The following FAM187B variants were observed in gnomAD, a reference collection of about 807,000 sequenced individuals.
FAM187B encodes protein FAM187B.
A neutral mutation model predicts 22.6 loss-of-function variants in FAM187B; 22 were observed. The ratio of observed to expected loss-of-function variants is 0.97; its 90% CI spans 0.70 to 1.39. FAM187B has a LOEUF of 1.39. FAM187B is among the 40% of genes most tolerant of loss of function. FAM187B has a pLI of 0.00. For synonymous variants in FAM187B, 192 were observed against 201.8 expected (o/e 0.95, Z 0.41); for missense variants, 433 against 462.1 (o/e 0.94, Z 0.58).
At chr19:35,227,900 A>G in intron 1 of FAM187B, 59 bp downstream of exon 1, 1 of 1,555,454 alleles carries the variant, frequency 6.4e-7, no homozygotes, top group Non-Finnish European at 8.7e-7. Flanking sequence ...ACATATTACC[A>G]GGAAGGATCC....
At chr19:35,227,602 A>C in intron 1 of FAM187B, among the ~76,000 whole-genome samples, 1 of 152,164 alleles carries the variant, frequency 6.6e-6, no homozygotes, top group East Asian at 1.9e-4. Flanking sequence ...AGGAAGTAAG[A>C]AGATGAGTGT....
Position 35,228,314 on chromosome 19 carries a change from G to A in FAM187B, c.367C>T (p.Leu123=), listed in dbSNP as rs573245848. The change falls in exon 1 of 2, where the codon CTG becomes TTG. Residue 123 remains leucine (L), a synonymous_variant. Transcript: ENST00000324675. ...TCGTTCTGCAGGGGCCTCTGACCCAGGTCCTTGTGTGTTATATGCAGGGTG... is the reference window on the plus strand; with the variant it reads ...TCGTTCTGCAGGGGCCTCTGACCCAAGTCCTTGTGTGTTATATGCAGGGTG... ...VTTLHITHKD[L]GQRPLQNETL... 1 of 1,614,174 alleles carries A rather than the reference G, an allele frequency of 6.2e-7. No individual in the cohort carries two copies. Among genetic ancestry groups the A allele is most frequent in the Admixed American group, 1.7e-5 (1 of 60,024 alleles).
At position 35,225,037 on chromosome 19, in the gene FAM187B, C is replaced by T. The variant is rs1463381424; in HGVS notation, c.898G>A (p.Ala300Thr). The change falls in exon 2 of 2, where the codon GCC (alanine) becomes ACC (threonine). Residue 300 changes from alanine (A) to threonine (T), a missense_variant. Coordinates refer to ENST00000324675, the MANE Select transcript of FAM187B (RefSeq NM_152481.2). Reference protein sequence around the residue: ...QELVAQFKPAASLETLEAQWR... With the variant: ...QELVAQFKPATSLETLEAQWR... ...TGAGCCTCCAGCGTCTCCAGACTGG[C>T]GGCGGGTTTGAACTGGGCCACGAGC... is the stretch of plus-strand genomic sequence containing the variant. The T allele has an allele frequency of 2.5e-6, 4 of 1,613,310 alleles. No individual in the cohort carries two copies. Among genetic ancestry groups the T allele is most frequent in the Admixed American group, 1.7e-5 (1 of 59,952 alleles).
In FAM187B at chr19:35,224,893, C is replaced by G. The variant is rs1034224116; in HGVS notation, c.1042G>C (p.Gly348Arg). The G allele has an allele frequency of 1.9e-6, 3 of 1,613,894 alleles. No homozygotes were observed. The highest frequency in any genetic ancestry group is 1.1e-5 in the South Asian group (1 of 91,076). ...GGGTGGATGCACTTGAGCAGCGCCC[C>G]CAGCAGGGCCAGGACGGTGACCACG... The part of the protein sequence containing the change: ...LLVVTVLALL[G>R]ALLKCIHPSP... The change falls in exon 2 of 2, where the codon GGG becomes CGG. Residue 348 changes from glycine to arginine, a missense_variant. By Grantham distance (125) the Gly-to-Arg change is moderately radical (BLOSUM62 -2). Coordinates refer to ENST00000324675, the MANE Select transcript of FAM187B (RefSeq NM_152481.2).
Position 35,228,107 on chromosome 19 carries a change from A to C in FAM187B, c.574T>G (p.Leu192Val). The C allele has an allele frequency of 6.2e-7, 1 of 1,614,234 alleles. No individual in the cohort carries two copies. The highest frequency in any genetic ancestry group is 1.1e-5 in the South Asian group (1 of 91,084). Residue 192 changes from leucine (L) to valine (V), a missense_variant, in exon 1 of 2, where the codon TTG becomes GTG. Coordinates refer to ENST00000324675, the MANE Select transcript of FAM187B (RefSeq NM_152481.2). ...LGEVLVWSSR[L>V]RPELQVEACH... ...GCTTCCACCTGCAGCTCAGGCCGCAAGCGGCTAGACCACACCAGCACCTCT... is the reference window on the plus strand; with the variant it reads ...GCTTCCACCTGCAGCTCAGGCCGCACGCGGCTAGACCACACCAGCACCTCT...
Position 35,228,336 on chromosome 19 carries a change from G to T in FAM187B, c.345C>A (p.Thr115=). ...CCAGGTCCTTGTGTGTTATATGCAGGGTGGTGACATCCTGAAAGTCAATTT... is the reference window on the plus strand; with the variant it reads ...CCAGGTCCTTGTGTGTTATATGCAGTGTGGTGACATCCTGAAAGTCAATTT... ...QYEIDFQDVT[T]LHITHKDLGQ... Residue 115 remains threonine, a synonymous_variant, in exon 1 of 2, where the codon ACC becomes ACA. Coordinates refer to ENST00000324675, the MANE Select transcript of FAM187B (RefSeq NM_152481.2). The T allele has an allele frequency of 6.2e-7, 1 of 1,613,956 alleles. No homozygotes were observed. The highest frequency in any genetic ancestry group is 8.5e-7 in the Non-Finnish European group (1 of 1,180,040).
intron 1 of FAM187B, 152 bp from the exon 2 acceptor site, chr19:35,225,364 C>T: frequency 1.1e-6 from 1 of 946,000 alleles, no homozygotes; most frequent in Non-Finnish European, 1.5e-6. Context: ...GGAGGAGGCA[C>T]AGCTGGGGGC....
rs751307291 is a variant in FAM187B at position 35,228,171 on chromosome 19, C to A, written c.510G>T (p.Glu170Asp). 1.2e-6 allele frequency: 2 copies of A among 1,614,002 alleles called. No individual in the cohort carries two copies. Among genetic ancestry groups the A allele is most frequent in the Non-Finnish European group, 8.5e-7 (1 of 1,179,950 alleles). Residue 170 changes from glutamate to aspartate, a missense_variant, in exon 1 of 2, where the codon GAG (glutamate) becomes GAT (aspartate). Transcript: ENST00000324675. Reference protein sequence around the residue: ...CKRLGYRYIEEPLEEAMPCWL... With the variant: ...CKRLGYRYIEDPLEEAMPCWL... ...AGCAGGGCATGGCTTCCTCCAGAGG[C>A]TCCTCAATGTAGCGGTACCCCAGGC...
rs768484282 is a variant in FAM187B at position 35,228,196 on chromosome 19, C to T, written c.485G>A (p.Arg162His). The T allele has an allele frequency of 2.5e-5, 40 of 1,614,010 alleles. No homozygotes were observed. The Middle Eastern group carries it at 8.2e-4, about 33-fold the overall frequency. Residue 162 changes from arginine to histidine, a missense_variant, in exon 1 of 2, where the codon CGC becomes CAC. Coordinates refer to ENST00000324675, the MANE Select transcript of FAM187B (RefSeq NM_152481.2). ...CTCCTCAATGTAGCGGTACCCCAGG[C>T]GTTTACACTCGCCCGGCTCCTCACA... ...NRCEEPGECK[R>H]LGYRYIEEPL...
chr19:35,228,608 G>A lies in FAM187B; in HGVS notation c.73C>T (p.Pro25Ser). 1 of 1,613,986 alleles carries A rather than the reference G, an allele frequency of 6.2e-7. No homozygotes were observed. Among genetic ancestry groups the A allele is most frequent in the Non-Finnish European group, 8.5e-7 (1 of 1,180,016 alleles). Residue 25 changes from proline (P) to serine (S), a missense_variant, in exon 1 of 2, where the codon CCC becomes TCC. By Grantham distance (74) the Pro-to-Ser change is moderately conservative. Transcript: ENST00000324675. ...GCCTGTTGGCACTGCTTACCACTGGGGCAGCTGATGGAAAAGTAGAACCCC... is the reference window on the plus strand; with the variant it reads ...GCCTGTTGGCACTGCTTACCACTGGAGCAGCTGATGGAAAAGTAGAACCCC... ...ALGFYFSISC[P>S]SGKQCQQALL...
In FAM187B at chr19:35,228,731, G is replaced by A; in HGVS notation, c.-51C>T. 1 of 1,552,616 alleles carries A rather than the reference G, an allele frequency of 6.4e-7. No individual in the cohort carries two copies. The highest frequency in any genetic ancestry group is 8.7e-7 in the Non-Finnish European group (1 of 1,154,882). On this transcript the variant is annotated 5_prime_UTR_variant, in exon 1 of 2. Transcript: ENST00000324675. ...CTGGTGCCACCCCGAACATTGTGAG[G>A]TCACCCATGAACTCTGGCCTCAGCC...
In FAM187B at chr19:35,228,558, G is replaced by A; in HGVS notation, c.123C>T (p.Leu41=). 1.2e-6 allele frequency: 2 copies of A among 1,614,194 alleles called. No homozygotes were observed. The highest frequency in any genetic ancestry group is 1.1e-5 in the South Asian group (1 of 91,080). ...QQALLSGNDI[L]LYCNSSGAHW... ...GCGCCCCCGAGGAGTTGCAATACAG[G>A]AGAATATCATTGCCTGAGAGTAGGG... Residue 41 remains leucine (L), a synonymous_variant, in exon 1 of 2, where the codon CTC becomes CTT. Transcript: ENST00000324675.
chr19:35,225,513 G>C (rs2065659367), intron 1 of FAM187B, among the ~76,000 whole-genome samples: 2 of 152,192 alleles, frequency 1.3e-5, no homozygotes, highest in Non-Finnish European at 1.5e-5. Flanking sequence ...ATTTCTTTAT[G>C]TAAAACTAAG....
intron 1 of FAM187B, among the ~76,000 whole-genome samples, chr19:35,226,650 C>G (rs947886968): frequency 1.3e-5 from 2 of 152,138 alleles, no homozygotes; most frequent in Admixed American, 6.5e-5. Context: ...GGTGGAAGAA[C>G]AGAGAGGATA....
chr19:35,225,420 C>T (rs1599575715), intron 1 of FAM187B, among the ~76,000 whole-genome samples: 1 of 152,016 alleles, frequency 6.6e-6, no homozygotes, highest in East Asian at 1.9e-4. Flanking sequence ...ACTGGCTCCC[C>T]TCTTCCTGGC....
At chr19:35,225,299 A>C in intron 1 of FAM187B, 87 bp from the exon 2 acceptor site, 5 of 1,406,206 alleles carry the variant, frequency 3.6e-6, no homozygotes, top group Non-Finnish European at 4.6e-6. Flanking sequence ...AGCACCGCCC[A>C]GTCCCCCTCC....
At chr19:35,226,959 G>A (rs1245364926) in intron 1 of FAM187B, among the ~76,000 whole-genome samples, 2 of 152,190 alleles carry the variant, frequency 1.3e-5, no homozygotes, top group East Asian at 3.9e-4. Context: ...TCTGACCGGT[G>A]TCCTTTTAAG....
intron 1 of FAM187B, among the ~76,000 whole-genome samples, chr19:35,226,670 C>T (rs572698615): frequency 6.6e-6 from 1 of 152,228 alleles, no homozygotes; most frequent in African/African-American, 2.4e-5. Context: ...ATTCCACAGA[C>T]AATATCATAA....
chr19:35,227,069 G>A (rs1361350187), intron 1 of FAM187B, among the ~76,000 whole-genome samples: 4 of 152,100 alleles, frequency 2.6e-5, no homozygotes, highest in Admixed American at 6.6e-5. Context: ...AGAGAAGACC[G>A]GGATCTCTGA....
Sources: gnomAD v4.1 joint callset for allele counts (sites outside exome capture counted in the v4.1 genomes callset) on GRCh38, gnomAD v4.1.1 for gene constraint, MANE v1.5 for transcripts, NCBI Gene and HGNC (gene_info 2026-07-23, HGNC 2026-07-21) for gene names.